The following OTOF variants were observed in gnomAD, a reference collection of about 807,000 sequenced individuals.
OTOF encodes otoferlin, also known as fer-1-like family member 2.
In OTOF, 218 loss-of-function variants were observed where a neutral mutation model predicts 236.8. The observed-to-expected ratio is 0.92, with a 90% CI of 0.82 to 1.03. OTOF has a LOEUF of 1.03. OTOF is among the 50% of genes least tolerant of loss of function. The pLI is 0.00. For missense variants in OTOF, 2,590 were observed against 2,694.4 expected (o/e 0.96, Z 0.86); for synonymous variants, 1,041 against 1,072.5 (o/e 0.97, Z 0.57).
intron 30 of OTOF, among the ~76,000 whole-genome samples, chr2:26,471,575 G>A (rs765823350): frequency 2.8e-4 from 42 of 151,690 alleles, no homozygotes; most frequent in Non-Finnish European, 5.6e-4. Context: ...GTGAATGGCT[G>A]GGATGGAAAA....
chr2:26,508,408 C>T (rs1666303418), intron 5 of OTOF, among the ~76,000 whole-genome samples: 1 of 152,202 alleles, frequency 6.6e-6, no homozygotes, highest in African/African-American at 2.4e-5. Flanking sequence ...GAATAGCTTT[C>T]CATAGGTGGG....
Position 26,558,726 on chromosome 2 carries a change from G to C in OTOF, c.-155C>G, listed in dbSNP as rs1398898131. The C allele has an allele frequency of 1.6e-6, 1 of 636,834 alleles. No individual in the cohort carries two copies. The highest frequency in any genetic ancestry group is 2.5e-5 in the Admixed American group (1 of 39,656). 39.4% of individuals were successfully genotyped at this position (636,834 alleles called of 1,614,324 possible). On this transcript the variant is annotated 5_prime_UTR_variant, in exon 1 of 47. Transcript: ENST00000272371. ...TGCCCACAGAGACCAAGGCAACCAA[G>C]CCGAGCTAAGCTGCTCCTGCAGCGA...
At chr2:26,553,168 A>G (rs1345340944) in intron 1 of OTOF, among the ~76,000 whole-genome samples, 1 of 152,130 alleles carries the variant, frequency 6.6e-6, no homozygotes, top group Non-Finnish European at 1.5e-5. Context: ...CCTTCCCTGC[A>G]CAATCACTCA....
rs1664653442 is a variant in OTOF, at chr2:26,464,901, A to G, written c.4928T>C (p.Phe1643Ser). 1.3e-6 allele frequency: 2 copies of G among 1,599,786 alleles called. No homozygotes were observed. The highest frequency in any genetic ancestry group is 1.7e-6 in the Non-Finnish European group (2 of 1,172,732). The change falls in exon 39 of 47, where the codon TTC becomes TCC. Residue 1643 changes from phenylalanine to serine, a missense_variant. This residue lies in a region of OTOF where 1,211 missense variants were observed against 1,352.8 expected (regional missense o/e 0.90). Transcript: ENST00000272371. ...GTCCTCAATCTCAGAGGGCCCAGTGAAGACGCGGTTGGCCACCTTCACTCT... is the reference window on the plus strand; with the variant it reads ...GTCCTCAATCTCAGAGGGCCCAGTGGAGACGCGGTTGGCCACCTTCACTCT... ...PGRVKVANRVFTGPSEIEDEN... is the reference protein window; with the variant it reads ...PGRVKVANRVSTGPSEIEDEN...
At chr2:26,508,575 GC>G (rs1297635114) in intron 5 of OTOF, among the ~76,000 whole-genome samples, 2 of 152,176 alleles carry the variant, frequency 1.3e-5, no homozygotes, top group African/African-American at 4.8e-5. Context: ...CTTGCTGGCG[GC>G]CCAGCCCTTT....
In OTOF at chr2:26,505,301, A is replaced by G. The variant is rs140420414; in HGVS notation, c.510-1456T>C. Among the ~76,000 whole-genome samples the G allele has an allele frequency of 2.4e-3, 358 of 152,338 alleles. 1 individual carries two copies. Among genetic ancestry groups the G allele is most frequent in the African/African-American group, 8.3e-3 (346 of 41,570 alleles). On this transcript the variant is annotated intron_variant, in intron 5 of 46. Transcript: ENST00000272371. Reference sequence around the variant, plus strand: ...TGTCTGCACTCTTCAGTAGCATACCATCTGAAATACGACAATGAGAAGAAA... The same window carrying G: ...TGTCTGCACTCTTCAGTAGCATACCGTCTGAAATACGACAATGAGAAGAAA...
chr2:26,552,265 C>T (rs1667480829), intron 1 of OTOF, among the ~76,000 whole-genome samples: 1 of 152,082 alleles, frequency 6.6e-6, no homozygotes, highest in Admixed American at 6.6e-5. Flanking sequence ...TGGTGCGTGC[C>T]TGTAGTCCTA....
chr2:26,475,810 C>G lies in OTOF; in HGVS notation c.2991+104G>C, dbSNP rs933517441. 8.3e-6 allele frequency: 12 copies of G among 1,442,706 alleles called. No individual in the cohort carries two copies. In the South Asian group the frequency reaches 9.9e-5, roughly 12 times the overall value. 89.4% of individuals were successfully genotyped at this position (1,442,706 alleles called of 1,614,324 possible). ...CCGGGGCACTGGCTGACCTGTGGCT[C>G]CAGGCCCCACAGGCTCACAGGCCCC... On this transcript the variant is annotated intron_variant, in intron 24 of 46. Coordinates refer to ENST00000272371, the MANE Select transcript of OTOF (RefSeq NM_194248.3).
chr2:26,480,718 C>A (rs1665514618), intron 15 of OTOF, 68 bp downstream of exon 15: 1 of 1,327,796 alleles, frequency 7.5e-7, no homozygotes, highest in Non-Finnish European at 1.1e-6. Flanking sequence ...GCCTGGGACC[C>A]AGGTGACTCA....
At chr2:26,500,249 C>T (rs1666084514) in intron 8 of OTOF, among the ~76,000 whole-genome samples, 1 of 152,208 alleles carries the variant, frequency 6.6e-6, no homozygotes, top group Non-Finnish European at 1.5e-5. Flanking sequence ...CCTATAAATG[C>T]AGTAACACCT....
intron 1 of OTOF, among the ~76,000 whole-genome samples, chr2:26,540,966 T>G (rs1472749251): frequency 1.3e-5 from 2 of 152,222 alleles, no homozygotes; most frequent in African/African-American, 4.8e-5. Flanking sequence ...AGGTTTGAGC[T>G]TTTAATTTTC....
intron 5 of OTOF, among the ~76,000 whole-genome samples, chr2:26,507,011 C>T (rs1006842897): frequency 6.6e-6 from 1 of 152,162 alleles, no homozygotes; most frequent in Non-Finnish European, 1.5e-5. Flanking sequence ...CAAACAAAAA[C>T]TATACTTGTC....
intron 9 of OTOF, among the ~76,000 whole-genome samples, chr2:26,490,151 GATA>G (rs1665805388): frequency 6.6e-6 from 1 of 152,200 alleles, no homozygotes; most frequent in South Asian, 2.1e-4. Context: ...GTGAAATGGG[GATA>G]ATGACACCCA....
intron 2 of OTOF, among the ~76,000 whole-genome samples, chr2:26,532,978 G>C (rs1361316724): frequency 6.6e-6 from 1 of 152,142 alleles, no homozygotes; most frequent in Non-Finnish European, 1.5e-5. Context: ...TAGAGCAGGG[G>C]TCCCCATATC....
intron 1 of OTOF, 91 bp from the exon 2 acceptor site, chr2:26,537,865 C>T (rs1667112478): frequency 1.1e-6 from 1 of 948,402 alleles, no homozygotes; most frequent in African/African-American, 1.6e-5. Flanking sequence ...GTCGTCCTAA[C>T]AGCATTTGAC....
intron 9 of OTOF, among the ~76,000 whole-genome samples, chr2:26,491,650 T>C (rs1193775505): frequency 6.6e-6 from 1 of 152,040 alleles, no homozygotes; most frequent in African/African-American, 2.4e-5. Context: ...ATGGTGGCGC[T>C]CCCAAGATGC....
chr2:26,468,250 G>A (rs967215723), intron 33 of OTOF, among the ~76,000 whole-genome samples, 158 bp downstream of exon 33: 1 of 152,204 alleles, frequency 6.6e-6, no homozygotes, highest in Non-Finnish European at 1.5e-5. Context: ...GCCTTAGCCT[G>A]CCCAGTACTG....
At chr2:26,476,737 C>T (rs546486758) in intron 22 of OTOF, among the ~76,000 whole-genome samples, 154 bp downstream of exon 22, 9 of 125,950 alleles carry the variant, frequency 7.1e-5, no homozygotes, top group South Asian at 2.9e-4. Context: ...CCTCCTTCCC[C>T]ACCCCTTCCC....
intron 11 of OTOF, among the ~76,000 whole-genome samples, chr2:26,487,535 G>A (rs1206994195): frequency 8.5e-5 from 13 of 152,190 alleles, no homozygotes; most frequent in Non-Finnish European, 1.0e-4. Flanking sequence ...ATATGGGGTC[G>A]TGAGGGTGAG....
Sources: allele counts gnomAD v4.1 joint callset (sites outside exome capture counted in the v4.1 genomes callset), GRCh38; gene constraint gnomAD v4.1.1; regional missense constraint gnomAD v4.1.1; transcripts MANE v1.5; gene names NCBI Gene and HGNC (gene_info 2026-07-23, HGNC 2026-07-21).